VWC2: variants seen among roughly 807,000 people sequenced by gnomAD.
VWC2 encodes brorin.
In VWC2, 14 loss-of-function variants were observed where a neutral mutation model predicts 29.8. The ratio of observed to expected loss-of-function variants is 0.47; its 90% confidence interval spans 0.31 to 0.74. VWC2 has a LOEUF of 0.74. VWC2 is among the 30% of genes least tolerant of loss of function. VWC2 has a pLI of 0.05. For synonymous variants in VWC2, 213 were observed against 199.0 expected, an observed-to-expected ratio of 1.07 and a Z score of -0.59; for missense variants, 457 against 459.8, an observed-to-expected ratio of 0.99 and a Z score of 0.05.
chr7:49,801,080 C>T (rs1422122718), intron 2 of VWC2, among the ~76,000 whole-genome samples: 1 of 152,142 alleles, frequency 6.6e-6, no homozygotes. Flanking sequence ...CACTCCCAGG[C>T]AGGTTGACTG....
chr7:49,860,041 A>T lies in VWC2; in HGVS notation c.827-51993A>T, dbSNP rs372264854. 1.2e-3 allele frequency among the ~76,000 whole-genome samples: 181 copies of T among 152,252 alleles called. No homozygotes were observed. The Middle Eastern group carries it at 0.014, about 11-fold the overall frequency. On this transcript the variant is annotated intron_variant, in intron 3 of 3. Transcript: ENST00000340652. Reference sequence around the variant, plus strand: ...TCTTTAAGGGCTTCTTTAAAGTTTCATAATTTTATCCATAGTTGTATGCCA... The same window carrying T: ...TCTTTAAGGGCTTCTTTAAAGTTTCTTAATTTTATCCATAGTTGTATGCCA...
Position 49,919,369 on chromosome 7 carries a change from A to G in VWC2, c.*7184A>G, listed in dbSNP as rs1583840244. The G allele has an allele frequency of 6.6e-6, 1 of 152,330 alleles. No individual in the cohort carries two copies. Among genetic ancestry groups the G allele is most frequent in the Non-Finnish European group, 1.5e-5 (1 of 68,030 alleles). 9.4% of individuals were successfully genotyped at this position (152,330 alleles called of 1,614,324 possible). ...CATGCCATTTTGAACTTTTGCATTA[A>G]AGTCATAAACTTACATCAGTATTAT... On this transcript the variant is annotated 3_prime_UTR_variant, in exon 4 of 4. Transcript: ENST00000340652.
intron 2 of VWC2, among the ~76,000 whole-genome samples, chr7:49,789,204 GGTGT>G (rs143807454): frequency 2.0e-5 from 3 of 147,066 alleles, no homozygotes; most frequent in South Asian, 4.4e-4. Flanking sequence ...TGTGAGTGTG[GGTGT>G]GTGTGTGTGA....
At chr7:49,837,252 T>C (rs1001961816) in intron 3 of VWC2, among the ~76,000 whole-genome samples, 1 of 152,242 alleles carries the variant, frequency 6.6e-6, no homozygotes, top group Non-Finnish European at 1.5e-5. Flanking sequence ...CAATGAACCA[T>C]GCAAACATTT....
intron 2 of VWC2, among the ~76,000 whole-genome samples, chr7:49,788,978 C>T (rs867274833): frequency 1.5e-5 from 2 of 133,750 alleles, no homozygotes; most frequent in Non-Finnish European, 3.2e-5. Flanking sequence ...TGTGTGTGAG[C>T]ATGTGTGTGT....
chr7:49,859,289 T>G (rs140435452), intron 3 of VWC2, among the ~76,000 whole-genome samples: 1 of 152,386 alleles, frequency 6.6e-6, no homozygotes, highest in African/African-American at 2.4e-5. Flanking sequence ...TTTGAAGGAA[T>G]TAAAGTCTTT....
At chr7:49,787,543 G>A (rs895441000) in intron 2 of VWC2, among the ~76,000 whole-genome samples, 5 of 152,174 alleles carry the variant, frequency 3.3e-5, no homozygotes, top group South Asian at 2.1e-4. Context: ...AGCCCCACCC[G>A]TGGGGAGCCT....
At chr7:49,844,871 T>C (rs1257447258) in intron 3 of VWC2, among the ~76,000 whole-genome samples, 2 of 152,030 alleles carry the variant, frequency 1.3e-5, no homozygotes. Flanking sequence ...TTTTTGTATT[T>C]TTAGTTTCAC....
At chr7:49,873,505 G>T (rs1791263554) in intron 3 of VWC2, among the ~76,000 whole-genome samples, 1 of 152,186 alleles carries the variant, frequency 6.6e-6, no homozygotes, top group South Asian at 2.1e-4. Context: ...AATCTGGGGG[G>T]CACAAACATT....
intron 3 of VWC2, among the ~76,000 whole-genome samples, chr7:49,853,719 T>A (rs1229145599): frequency 2.0e-5 from 3 of 152,198 alleles, no homozygotes; most frequent in Non-Finnish European, 2.9e-5. Flanking sequence ...TTTAATTTTT[T>A]ATTTTTTTAT....
chr7:49,824,445 C>G (rs1789345918), intron 3 of VWC2, among the ~76,000 whole-genome samples: 1 of 152,118 alleles, frequency 6.6e-6, no homozygotes, highest in South Asian at 2.1e-4. Flanking sequence ...TAAGTTAATC[C>G]TTATGCCAAT....
chr7:49,857,876 G>A (rs979414180), intron 3 of VWC2, among the ~76,000 whole-genome samples: 4 of 152,208 alleles, frequency 2.6e-5, no homozygotes, highest in Non-Finnish European at 5.9e-5. Flanking sequence ...GGGTCTGAAA[G>A]TGGTGGTGAG....
rs1213175876 is a variant in VWC2 at position 49,864,261 on chromosome 7, CAAA to C, written c.827-47772_827-47770del. Among the ~76,000 whole-genome samples, 3 of 151,518 alleles carry C rather than the reference CAAA, an allele frequency of 2.0e-5. No individual in the cohort carries two copies. The East Asian group carries it at 5.8e-4, about 29-fold the overall frequency. ...AAGAGAGGAAGACAGAGAAAGAAGA[CAAA>C]GAAGGAGGGAGGAGAAGATAGGAGA... On this transcript the variant is annotated intron_variant, in intron 3 of 3. Coordinates refer to ENST00000340652, the MANE Select transcript of VWC2 (RefSeq NM_198570.5).
At chr7:49,875,369 C>CA (rs71018432) in intron 3 of VWC2, among the ~76,000 whole-genome samples, 213 of 19,008 alleles carry the variant, frequency 0.011, 56 homozygotes, top group African/African-American at 0.039. Flanking sequence ...GATTCTGACT[C>CA]AAAAAAAAAA....
At chr7:49,852,010 C>T (rs529991258) in intron 3 of VWC2, among the ~76,000 whole-genome samples, 1 of 152,340 alleles carries the variant, frequency 6.6e-6, no homozygotes, top group African/African-American at 2.4e-5. Context: ...TAGATCACTG[C>T]TGTCAGCCTA....
intron 2 of VWC2, among the ~76,000 whole-genome samples, chr7:49,789,034 G>T (rs964396989): frequency 6.8e-6 from 1 of 147,172 alleles, no homozygotes; most frequent in South Asian, 2.1e-4. Context: ...GAGCGTGTGG[G>T]TGCATGTGTG....
At chr7:49,843,161 T>C (rs1411605745) in intron 3 of VWC2, among the ~76,000 whole-genome samples, 2 of 152,172 alleles carry the variant, frequency 1.3e-5, no homozygotes, top group East Asian at 1.9e-4. Context: ...AGTGAGAACA[T>C]GCAGTTTTCT....
intron 2 of VWC2, among the ~76,000 whole-genome samples, chr7:49,791,726 T>A (rs1462855248): frequency 6.6e-6 from 1 of 152,150 alleles, no homozygotes; most frequent in Admixed American, 6.5e-5. Flanking sequence ...CATTCCATCC[T>A]CCTCCCTCGG....
At chr7:49,887,669 T>C (rs1444776571) in intron 3 of VWC2, among the ~76,000 whole-genome samples, 1 of 152,148 alleles carries the variant, frequency 6.6e-6, no homozygotes, top group Non-Finnish European at 1.5e-5. Context: ...CTTCTAAAAT[T>C]TCGGTGAATT....
Sources: gnomAD v4.1 joint callset for allele counts (sites outside exome capture counted in the v4.1 genomes callset) on GRCh38, gnomAD v4.1.1 for gene constraint, MANE v1.5 for transcripts, NCBI Gene and HGNC (gene_info 2026-07-23, HGNC 2026-07-21) for gene names.